ATP6V0A1: variants seen among roughly 807,000 people sequenced by gnomAD.
ATP6V0A1 encodes the protein V-type proton ATPase 116 kDa subunit a 1.
ATP6V0A1 carries 43 observed loss-of-function variants against 105.4 expected under a neutral mutation model. That is an observed-to-expected ratio of 0.41 (90% CI 0.32 to 0.53). ATP6V0A1 has a LOEUF of 0.53. Among genes scored for constraint, ATP6V0A1 ranks in the 20% least tolerant of loss-of-function variants. The probability of loss-of-function intolerance (pLI) is 0.30; values close to 1 mark genes in which losing one functional copy is unlikely to be tolerated. For synonymous variants in ATP6V0A1, 362 were observed against 372.8 expected, an observed-to-expected ratio of 0.97 and a Z score of 0.33; for missense variants, 676 against 1,051.1, an observed-to-expected ratio of 0.64 and a Z score of 4.93.
At chr17:42,489,270 G>A (rs962030814) in intron 10 of ATP6V0A1, among the ~76,000 whole-genome samples, 1 of 151,824 alleles carries the variant, frequency 6.6e-6, no homozygotes, top group Non-Finnish European at 1.5e-5. Context: ...TAGTGGAGAC[G>A]GGGTTTCATC....
intron 1 of ATP6V0A1, among the ~76,000 whole-genome samples, 189 bp from the exon 2 acceptor site, chr17:42,460,659 G>A (rs868036657): frequency 2.6e-5 from 4 of 152,202 alleles, no homozygotes; most frequent in African/African-American, 9.6e-5. Context: ...CTGACACTCT[G>A]TGGGACAGAA....
intron 10 of ATP6V0A1, among the ~76,000 whole-genome samples, chr17:42,488,648 AGACAGGGT>A (rs896193925): frequency 3.3e-5 from 5 of 151,972 alleles, no homozygotes; most frequent in Non-Finnish European, 7.4e-5. Flanking sequence ...TTTTTTGTAG[AGACAGGGT>A]TTTGCCATGT....
In ATP6V0A1 at chr17:42,521,131, G is replaced by T; in HGVS notation, c.*11G>T. The T allele has an allele frequency of 1.3e-6, 2 of 1,597,416 alleles. No homozygotes were observed. The highest frequency in any genetic ancestry group is 1.1e-5 in the South Asian group (1 of 89,106). Reference sequence around the variant, plus strand: ...AAGTTTGAAGAGTGAGTCCCTGTGAGGGCCGTGTGCCCCATGCTACCCTCC... The same window carrying T: ...AAGTTTGAAGAGTGAGTCCCTGTGATGGCCGTGTGCCCCATGCTACCCTCC... On this transcript the variant is annotated 3_prime_UTR_variant, in exon 22 of 22. Coordinates refer to ENST00000343619, the MANE Select transcript of ATP6V0A1 (RefSeq NM_001130021.3). This position sits in a 1 kb window ranked among gnomAD's most constrained non-coding sequence, Gnocchi z 4.8.
At chr17:42,517,487 AG>A (rs1430284956) in intron 21 of ATP6V0A1, among the ~76,000 whole-genome samples, 2 of 152,180 alleles carry the variant, frequency 1.3e-5, no homozygotes, top group Non-Finnish European at 2.9e-5. Context: ...TTTTGGCAAT[AG>A]GAGTATTGGG....
chr17:42,497,848 T>A (rs1484371842), intron 14 of ATP6V0A1, among the ~76,000 whole-genome samples: 1 of 142,744 alleles, frequency 7.0e-6, no homozygotes, highest in Non-Finnish European at 1.5e-5. Flanking sequence ...CCTTCCTGGC[T>A]AACATGGTGA....
At chr17:42,484,780 T>C (rs959021732) in intron 9 of ATP6V0A1, among the ~76,000 whole-genome samples, 3 of 152,158 alleles carry the variant, frequency 2.0e-5, no homozygotes, top group Non-Finnish European at 4.4e-5. Flanking sequence ...GGCAGTTCCT[T>C]TTGGCAGTGG....
At chr17:42,519,832 C>G (rs1272395687) in intron 21 of ATP6V0A1, 1 of 152,342 alleles carries the variant, frequency 6.6e-6, no homozygotes, top group Non-Finnish European at 1.5e-5. Context: ...TGCTTTTACT[C>G]CCACTCAGAA....
Position 42,495,119 on chromosome 17 carries a change from G to T in ATP6V0A1, c.1400G>T (p.Cys467Phe), listed in dbSNP as rs1210541436. 3 of 1,613,932 alleles carry T rather than the reference G, an allele frequency of 1.9e-6. No homozygotes were observed. Among genetic ancestry groups the T allele is most frequent in the Admixed American group, 1.7e-5 (1 of 59,996 alleles). Reference sequence around the variant, plus strand: ...TACACTGGCCTCATCTACAATGATTGCTTTTCCAAGTCTCTTAATATCTTT... The same window carrying T: ...TACACTGGCCTCATCTACAATGATTTCTTTTCCAAGTCTCTTAATATCTTT... ...SMYTGLIYND[C>F]FSKSLNIFGS... Residue 467 changes from cysteine to phenylalanine, a missense_variant, in exon 13 of 22, where the codon TGC becomes TTC. By Grantham distance (205) the Cys-to-Phe change is radical (BLOSUM62 -2). Transcript: ENST00000343619.
chr17:42,465,689 C>T (rs866236577), intron 2 of ATP6V0A1, among the ~76,000 whole-genome samples: 8 of 151,616 alleles, frequency 5.3e-5, no homozygotes, highest in Non-Finnish European at 7.4e-5. Context: ...TGGTGCCAGA[C>T]GTGGTGGCTC....
intron 5 of ATP6V0A1, among the ~76,000 whole-genome samples, chr17:42,471,627 G>A (rs554870060): frequency 3.3e-5 from 5 of 152,008 alleles, no homozygotes; most frequent in African/African-American, 1.2e-4. Context: ...CCAGCTACTC[G>A]GGAGGCTGAA....
At position 42,487,259 on chromosome 17, in the gene ATP6V0A1, C is replaced by T. The variant is rs1348606947; in HGVS notation, c.915C>T (p.His305=). The T allele has an allele frequency of 1.2e-6, 2 of 1,614,086 alleles. No individual in the cohort carries two copies. The change falls in exon 10 of 22, where the codon CAC becomes CAT. Residue 305 remains histidine (H), a synonymous_variant. Coordinates refer to ENST00000343619, the MANE Select transcript of ATP6V0A1 (RefSeq NM_001130021.3). ...IKVRKMKAIY[H]TLNLCNIDVT... ...TGCGGAAGATGAAGGCCATCTATCA[C>T]ACCCTGAACCTGTGCAACATAGATG...
At chr17:42,515,338 G>A (rs553548420) in intron 21 of ATP6V0A1, among the ~76,000 whole-genome samples, 3 of 151,912 alleles carry the variant, frequency 2.0e-5, no homozygotes, top group South Asian at 4.2e-4. Flanking sequence ...GTGGTGGCAC[G>A]TGCCTGTAAT....
chr17:42,504,681 G>A (rs2091904204), intron 17 of ATP6V0A1, among the ~76,000 whole-genome samples: 1 of 152,192 alleles, frequency 6.6e-6, no homozygotes, highest in Admixed American at 6.5e-5. Flanking sequence ...AAACAAATAA[G>A]TGGAAGAAGA....
intron 9 of ATP6V0A1, among the ~76,000 whole-genome samples, chr17:42,484,352 C>A (rs556484077): frequency 6.6e-6 from 1 of 152,224 alleles, no homozygotes; most frequent in African/African-American, 2.4e-5. Flanking sequence ...CCACCGCGCC[C>A]GGCTGATAGT....
intron 9 of ATP6V0A1, among the ~76,000 whole-genome samples, chr17:42,483,847 G>C (rs563236515): frequency 1.3e-5 from 2 of 152,214 alleles, no homozygotes; most frequent in South Asian, 4.1e-4. Flanking sequence ...CTCCCAAAGT[G>C]CTGGGATTAC....
At chr17:42,505,811 A>C (rs2091984966) in intron 17 of ATP6V0A1, among the ~76,000 whole-genome samples, 1 of 148,574 alleles carries the variant, frequency 6.7e-6, no homozygotes. Context: ...TTCTTGAGAC[A>C]GAGTCTCGCT....
In ATP6V0A1 at chr17:42,478,476, G is replaced by A; in HGVS notation, c.520G>A (p.Val174Ile). ...TTCTCCCCACAGCTTCGTGGCTGGT[G>A]TCATTAACCGGGAGCGCATCCCTAC... ...TPLRLGFVAG[V>I]INRERIPTFE... Residue 174 changes from valine (V) to isoleucine (I), a missense_variant, in exon 7 of 22, where the codon GTC (valine) becomes ATC (isoleucine). Coordinates refer to ENST00000343619, the MANE Select transcript of ATP6V0A1 (RefSeq NM_001130021.3). The A allele has an allele frequency of 1.2e-6, 2 of 1,604,540 alleles. No homozygotes were observed. The highest frequency in any genetic ancestry group is 1.7e-6 in the Non-Finnish European group (2 of 1,174,340).
At chr17:42,514,056 A>G (rs1288951711) in intron 20 of ATP6V0A1, 78 bp downstream of exon 20, 27 of 1,468,270 alleles carry the variant, frequency 1.8e-5, no homozygotes, top group Non-Finnish European at 2.4e-5. Context: ...GCTTAAGTCA[A>G]ATGGAAATTA....
chr17:42,506,143 T>C (rs774521248), intron 17 of ATP6V0A1, among the ~76,000 whole-genome samples: 9 of 152,204 alleles, frequency 5.9e-5, no homozygotes, highest in Non-Finnish European at 1.3e-4. Flanking sequence ...AGCAGTGGGA[T>C]TGCTGAATCT....
Sources: gnomAD v4.1 joint callset for allele counts (sites outside exome capture counted in the v4.1 genomes callset) on GRCh38, gnomAD v4.1.1 for gene constraint, Gnocchi (gnomAD v3.1) non-coding constraint, MANE v1.5 for transcripts, NCBI Gene and HGNC (gene_info 2026-07-23, HGNC 2026-07-21) for gene names.